The following P2RY11 variants were observed in gnomAD, a reference collection of about 807,000 sequenced individuals.
P2RY11 encodes the protein purinergic receptor P2Y11, also known as P2Y purinoceptor 11.
Under a neutral mutation model 2.4 loss-of-function variants are expected in P2RY11, and 3 were observed. That is an observed-to-expected ratio of 1.22 (90% CI 0.56 to 3.17). The LOEUF is 3.17. Ranked by LOEUF, P2RY11 falls within the 30% of genes most tolerant of loss-of-function variation. The probability of loss-of-function intolerance (pLI) is 0.03; values close to 1 mark genes in which losing one functional copy is unlikely to be tolerated. For synonymous variants in P2RY11, 307 were observed against 237.3 expected (o/e 1.29, Z -2.70); for missense variants, 670 against 528.2 (o/e 1.27, Z -2.63).
chr19:10,113,674 GACAAACTC>G lies in P2RY11; in HGVS notation c.63_70del (p.Asp21GlufsTer15). The G allele has an allele frequency of 6.2e-7, 1 of 1,613,494 alleles. No homozygotes were observed. ...TGCCAACTTCTTGGCAGCTGCCGAC[GACAAACTC>G]AGTGGGTTCCAGGGGGACTTCCTGT... On this transcript the variant is annotated frameshift_variant, in exon 2 of 2. Coordinates refer to ENST00000321826, the MANE Select transcript of P2RY11 (RefSeq NM_002566.5). LOFTEE classifies it low-confidence loss of function (END_TRUNC).
Position 10,113,683 on chromosome 19 carries a change from A to AC in P2RY11, c.70_71insC (p.Ser24ThrfsTer15). The stretch of plus-strand genomic sequence containing the variant: ...CTTGGCAGCTGCCGACGACAAACTC[A>AC]GTGGGTTCCAGGGGGACTTCCTGTG... On this transcript the variant is annotated frameshift_variant, in exon 2 of 2. Transcript: ENST00000321826. LOFTEE classifies it low-confidence loss of function (END_TRUNC). The AC allele has an allele frequency of 5.7e-6, 9 of 1,589,592 alleles. No individual in the cohort carries two copies. In the Admixed American group the frequency reaches 6.9e-5, roughly 12 times the overall value.
rs1335805894 is a variant in P2RY11 at position 10,113,964 on chromosome 19, C to T, written c.351C>T (p.Val117=). 1.9e-6 allele frequency: 3 copies of T among 1,601,712 alleles called. No homozygotes were observed. Among genetic ancestry groups the T allele is most frequent in the Non-Finnish European group, 2.5e-6 (3 of 1,179,856 alleles). ...FLFTCNLLGS[V]IFITCISLNR... ...TCACCTGCAACCTGCTGGGCAGCGTCATCTTCATCACCTGCATCAGCCTCA... is the reference window on the plus strand; with the variant it reads ...TCACCTGCAACCTGCTGGGCAGCGTTATCTTCATCACCTGCATCAGCCTCA... Residue 117 remains valine, a synonymous_variant, in exon 2 of 2, where the codon GTC becomes GTT. Transcript: ENST00000321826.
rs1363112595 is a variant in P2RY11 at position 10,113,995 on chromosome 19, T to C, written c.382T>C (p.Tyr128His). The C allele has an allele frequency of 1.2e-6, 2 of 1,601,394 alleles. No homozygotes were observed. The highest frequency in any genetic ancestry group is 1.7e-6 in the Non-Finnish European group (2 of 1,179,808). The change falls in exon 2 of 2, where the codon TAC (tyrosine) becomes CAC (histidine). Residue 128 changes from tyrosine to histidine, a missense_variant. Physicochemically the swap from Tyr to His is moderately conservative, Grantham distance 83. Coordinates refer to ENST00000321826, the MANE Select transcript of P2RY11 (RefSeq NM_002566.5). Reference protein sequence around the residue: ...IFITCISLNRYLGIVHPFFAR... With the variant: ...IFITCISLNRHLGIVHPFFAR... Reference sequence around the variant, plus strand: ...CATCACCTGCATCAGCCTCAACCGCTACCTGGGCATCGTGCACCCCTTCTT... The same window carrying C: ...CATCACCTGCATCAGCCTCAACCGCCACCTGGGCATCGTGCACCCCTTCTT...
rs540555966 is a variant in P2RY11 at position 10,114,037 on chromosome 19, C to T, written c.424C>T (p.Arg142Ter). The T allele has an allele frequency of 2.6e-5, 42 of 1,601,050 alleles. 1 individual carries two copies. The highest frequency in any genetic ancestry group is 3.3e-5 in the Admixed American group (2 of 59,998). The change falls in exon 2 of 2, where the codon CGA (arginine) becomes TGA (stop). Residue 142 changes from arginine to a stop codon, truncating the protein, a stop_gained. Coordinates refer to ENST00000321826, the MANE Select transcript of P2RY11 (RefSeq NM_002566.5). LOFTEE classifies it low-confidence loss of function (END_TRUNC). Reference sequence around the variant, plus strand: ...CCCCTTCTTCGCCCGAAGCCACCTGCGACCCAAGCACGCCTGGGCCGTGAG... The same window carrying T: ...CCCCTTCTTCGCCCGAAGCCACCTGTGACCCAAGCACGCCTGGGCCGTGAG... ...VHPFFARSHL[R>*]PKHAWAVSAA...
At chr19:10,112,738 C>T (rs1485680105) in intron 1 of P2RY11, among the ~76,000 whole-genome samples, 1 of 152,100 alleles carries the variant, frequency 6.6e-6, no homozygotes, top group Non-Finnish European at 1.5e-5. Flanking sequence ...GAATTCGAGA[C>T]CTCTTGGCCA....
Position 10,114,930 on chromosome 19 carries a change from G to C in P2RY11, c.*192G>C. On this transcript the variant is annotated 3_prime_UTR_variant, in exon 2 of 2. Coordinates refer to ENST00000321826, the MANE Select transcript of P2RY11 (RefSeq NM_002566.5). ...GCGCTGGCCACAGGGCTCCCTGCAG[G>C]GTCAGGGACCAGACCACGCCCAGAG... 1.4e-6 allele frequency: 2 copies of C among 1,381,894 alleles called. No individual in the cohort carries two copies. Among genetic ancestry groups the C allele is most frequent in the East Asian group, 2.5e-5 (1 of 40,296 alleles). 85.6% of individuals were successfully genotyped at this position (1,381,894 alleles called of 1,614,324 possible).
Position 10,115,143 on chromosome 19 carries a change from G to C in P2RY11, c.*405G>C. On this transcript the variant is annotated 3_prime_UTR_variant, in exon 2 of 2. Transcript: ENST00000321826. The stretch of plus-strand genomic sequence containing the variant: ...TTGGTGGACGGCCTGGGGTAGGGGA[G>C]GGTGGCAGGTATAAGACTTCTGGGG... 1 of 1,613,794 alleles carries C rather than the reference G, an allele frequency of 6.2e-7. No homozygotes were observed. The highest frequency in any genetic ancestry group is 8.5e-7 in the Non-Finnish European group (1 of 1,179,978).
chr19:10,112,028 T>G, intron 1 of P2RY11: 1 of 364,560 alleles, frequency 2.7e-6, no homozygotes. Flanking sequence ...GAGAATCACT[T>G]AAACCCGGGA....
Position 10,115,286 on chromosome 19 carries a change from G to T in P2RY11, c.*548G>T. 8.9e-7 allele frequency: 1 copy of T among 1,119,238 alleles called. No homozygotes were observed. Among genetic ancestry groups the T allele is most frequent in the Non-Finnish European group, 1.3e-6 (1 of 796,342 alleles). The allele number at this position is 1,119,238 out of a possible 1,614,324, so 69.3% of individuals were successfully genotyped here. On this transcript the variant is annotated 3_prime_UTR_variant, in exon 2 of 2. Coordinates refer to ENST00000321826, the MANE Select transcript of P2RY11 (RefSeq NM_002566.5). ...TGGCCAGTCTCCAGGCCTGGTCCAC[G>T]GACTGGCAGGGACCCCAGGCACAAG...
At position 10,114,248 on chromosome 19, in the gene P2RY11, T is replaced by G; in HGVS notation, c.635T>G (p.Leu212Trp). The G allele has an allele frequency of 6.3e-7, 1 of 1,598,764 alleles. No individual in the cohort carries two copies. Among genetic ancestry groups the G allele is most frequent in the Non-Finnish European group, 8.5e-7 (1 of 1,179,114 alleles). The change falls in exon 2 of 2, where the codon TTG (leucine) becomes TGG (tryptophan). Residue 212 changes from leucine (L) to tryptophan (W), a missense_variant. Leu to Trp is a moderately conservative substitution (Grantham distance 61). Coordinates refer to ENST00000321826, the MANE Select transcript of P2RY11 (RefSeq NM_002566.5). ...YRAYSLVLAG[L>W]GCGLPLLLTL... ...GCGTATAGCCTGGTGCTGGCGGGGT[T>G]GGGCTGCGGCCTGCCGCTGCTGCTC...
intron 1 of P2RY11, 90 bp from the exon 2 acceptor site, chr19:10,113,543 A>G: frequency 6.6e-7 from 1 of 1,516,968 alleles, no homozygotes; most frequent in Non-Finnish European, 8.9e-7. Flanking sequence ...GTGTCCAGGG[A>G]TCCACGCCAT....
rs201804265 is a variant in P2RY11 at position 10,114,564 on chromosome 19, C to T, written c.951C>T (p.His317=). The T allele has an allele frequency of 1.3e-5, 21 of 1,613,662 alleles. No individual in the cohort carries two copies. Among genetic ancestry groups the T allele is most frequent in the Non-Finnish European group, 1.5e-5 (18 of 1,179,890 alleles). The part of the protein sequence containing the change: ...RGLMPLAFCV[H]PLLYMAAVPS... ...TCATGCCCCTGGCCTTCTGTGTCCA[C>T]CCTCTACTCTACATGGCCGCAGTGC... Residue 317 remains histidine, a synonymous_variant, in exon 2 of 2, where the codon CAC becomes CAT. Transcript: ENST00000321826.
In P2RY11 at chr19:10,114,824, C is replaced by T. The variant is rs1263581683; in HGVS notation, c.*86C>T. On this transcript the variant is annotated 3_prime_UTR_variant, in exon 2 of 2. Coordinates refer to ENST00000321826, the MANE Select transcript of P2RY11 (RefSeq NM_002566.5). ...GCCCGAGCCCCGACACATCCCTTCCCCCAAAAAGCAACACCTGTGCTTGCA... is the reference window on the plus strand; with the variant it reads ...GCCCGAGCCCCGACACATCCCTTCCTCCAAAAAGCAACACCTGTGCTTGCA... 6.6e-7 allele frequency: 1 copy of T among 1,517,696 alleles called. No homozygotes were observed. Among genetic ancestry groups the T allele is most frequent in the African/African-American group, 1.4e-5 (1 of 71,970 alleles). The allele number at this position is 1,517,696 out of a possible 1,614,324, so 94.0% of individuals were successfully genotyped here.
At position 10,114,589 on chromosome 19, in the gene P2RY11, C is replaced by G; in HGVS notation, c.976C>G (p.Pro326Ala). Residue 326 changes from proline to alanine, a missense_variant, in exon 2 of 2, where the codon CCC (proline) becomes GCC (alanine). By Grantham distance (27) the Pro-to-Ala change is conservative. Transcript: ENST00000321826. The stretch of plus-strand genomic sequence containing the variant: ...CCCTCTACTCTACATGGCCGCAGTG[C>G]CCAGCCTGGGCTGCTGCTGCCGACA... The part of the protein sequence containing the change: ...VHPLLYMAAV[P>A]SLGCCCRHCP... 6.2e-7 allele frequency: 1 copy of G among 1,613,880 alleles called. No homozygotes were observed. Among genetic ancestry groups the G allele is most frequent in the East Asian group, 2.2e-5 (1 of 44,888 alleles).
chr19:10,112,688 C>T (rs907893351), intron 1 of P2RY11, among the ~76,000 whole-genome samples: 26 of 152,148 alleles, frequency 1.7e-4, no homozygotes, highest in Non-Finnish European at 4.4e-5. Flanking sequence ...CTTGTAATCT[C>T]AGCACTTTGG....
Position 10,114,891 on chromosome 19 carries a change from C to G in P2RY11, c.*153C>G. ...CTGCAGCCCAGGCAGGAGCAGTCGC[C>G]TTTCCCACCCACAGCGCTGGCCACA... On this transcript the variant is annotated 3_prime_UTR_variant, in exon 2 of 2. Transcript: ENST00000321826. 1.4e-6 allele frequency: 2 copies of G among 1,414,746 alleles called. No homozygotes were observed. The highest frequency in any genetic ancestry group is 2.5e-5 in the East Asian group (1 of 40,608). 87.6% of individuals were successfully genotyped at this position (1,414,746 alleles called of 1,614,324 possible).
In P2RY11 at chr19:10,114,981, A is replaced by G. The variant is rs2089212763; in HGVS notation, c.*243A>G. 1.3e-5 allele frequency: 19 copies of G among 1,472,064 alleles called. No homozygotes were observed. The highest frequency in any genetic ancestry group is 1.7e-5 in the Non-Finnish European group (18 of 1,072,946). 91.2% of individuals were successfully genotyped at this position (1,472,064 alleles called of 1,614,324 possible). On this transcript the variant is annotated 3_prime_UTR_variant, in exon 2 of 2. Transcript: ENST00000321826. Reference sequence around the variant, plus strand: ...GAGGGGAGGCACTGGCCCCCGCCACAGGACTGGAGACGCAAGAACAAAAAG... The same window carrying G: ...GAGGGGAGGCACTGGCCCCCGCCACGGGACTGGAGACGCAAGAACAAAAAG...
chr19:10,113,275 T>C (rs1033456645), intron 1 of P2RY11, among the ~76,000 whole-genome samples: 2 of 152,120 alleles, frequency 1.3e-5, no homozygotes, highest in Non-Finnish European at 2.9e-5. Flanking sequence ...CACGGGGCTT[T>C]GGACGGCACA....
chr19:10,114,320 C>T lies in P2RY11; in HGVS notation c.707C>T (p.Pro236Leu), dbSNP rs771300409. ...GALGRAVLRS[P>L]GMTVAEKLRV... is the part of the protein sequence containing the mutation. The stretch of plus-strand genomic sequence containing the variant: ...CTCGGGCGGGCCGTGCTACGCAGCC[C>T]AGGCATGACTGTGGCCGAGAAGCTG... The change falls in exon 2 of 2, where the codon CCA becomes CTA. Residue 236 changes from proline to leucine, a missense_variant. Physicochemically the swap from Pro to Leu is moderately conservative, Grantham distance 98. Transcript: ENST00000321826. 6.3e-7 allele frequency: 1 copy of T among 1,599,048 alleles called. No homozygotes were observed. The highest frequency in any genetic ancestry group is 8.5e-7 in the Non-Finnish European group (1 of 1,177,882).
Sources: gnomAD v4.1 joint callset for allele counts (sites outside exome capture counted in the v4.1 genomes callset) on GRCh38, gnomAD v4.1.1 for gene constraint, MANE v1.5 for transcripts, NCBI Gene and HGNC (gene_info 2026-07-23, HGNC 2026-07-21) for gene names.